The following KCNMB2 variants were observed in gnomAD, a reference collection of about 807,000 sequenced individuals.
KCNMB2 encodes the protein calcium-activated potassium channel subunit beta-2.
KCNMB2 carries 9 observed loss-of-function variants against 24.5 expected under a neutral mutation model. That is an observed-to-expected ratio of 0.37 (90% CI 0.22 to 0.64). The LOEUF (loss-of-function observed/expected upper bound fraction) is 0.64. Among genes scored for constraint, KCNMB2 ranks in the 30% least tolerant of loss-of-function variants. The pLI is 0.63. For missense variants in KCNMB2, 226 were observed against 284.3 expected, an observed-to-expected ratio of 0.79 and a Z score of 1.47; for synonymous variants, 109 against 104.4, an observed-to-expected ratio of 1.04 and a Z score of -0.27.
intron 1 of KCNMB2, among the ~76,000 whole-genome samples, chr3:178,593,064 G>A (rs2108500939): frequency 6.6e-6 from 1 of 152,044 alleles, no homozygotes; most frequent in Non-Finnish European, 1.5e-5. Context: ...GGGGAGTGGG[G>A]TGTTGTAGAT....
At chr3:178,636,945 AT>A (rs1289706001) in intron 1 of KCNMB2, among the ~76,000 whole-genome samples, 1 of 152,170 alleles carries the variant, frequency 6.6e-6, no homozygotes, top group East Asian at 1.9e-4. Flanking sequence ...AAGTGAGAAC[AT>A]GTGGTGTTTG....
intron 1 of KCNMB2, among the ~76,000 whole-genome samples, chr3:178,606,752 C>T (rs1718287423): frequency 6.6e-6 from 1 of 152,142 alleles, no homozygotes; most frequent in African/African-American, 2.4e-5. Flanking sequence ...AAATCCTCAT[C>T]CCTAATATGA....
At chr3:178,712,480 GACAA>G (rs1261384414) in intron 1 of KCNMB2, among the ~76,000 whole-genome samples, 1 of 152,188 alleles carries the variant, frequency 6.6e-6, no homozygotes, top group Non-Finnish European at 1.5e-5. Flanking sequence ...TGTTGAATGA[GACAA>G]ACAGAGTTCT....
At chr3:178,561,149 A>G (rs960386853) in intron 1 of KCNMB2, among the ~76,000 whole-genome samples, 5 of 152,196 alleles carry the variant, frequency 3.3e-5, no homozygotes, top group African/African-American at 1.2e-4. Context: ...TCACTCCACT[A>G]AGAAATCAAG....
chr3:178,689,786 T>C (rs1377362896), intron 1 of KCNMB2, among the ~76,000 whole-genome samples: 2 of 152,148 alleles, frequency 1.3e-5, no homozygotes, highest in Non-Finnish European at 2.9e-5. Flanking sequence ...AGTAGTAAAA[T>C]TGTAGCTTGA....
At chr3:178,698,216 A>G (rs1300638429) in intron 1 of KCNMB2, among the ~76,000 whole-genome samples, 2 of 152,182 alleles carry the variant, frequency 1.3e-5, no homozygotes, top group African/African-American at 4.8e-5. Flanking sequence ...CATTCTCCCC[A>G]TCTCTTTCAG....
chr3:178,579,050 C>G (rs558034881), intron 1 of KCNMB2, among the ~76,000 whole-genome samples: 46 of 152,318 alleles, frequency 3.0e-4, no homozygotes, highest in Non-Finnish European at 2.5e-4. Flanking sequence ...GAACTCTCCA[C>G]CCCAAATCAA....
intron 1 of KCNMB2, among the ~76,000 whole-genome samples, chr3:178,582,194 G>A (rs1717236360): frequency 6.6e-6 from 1 of 152,166 alleles, no homozygotes; most frequent in Admixed American, 6.5e-5. Flanking sequence ...AAAAAAGGAT[G>A]AGTTCATGTC....
chr3:178,633,667 G>T (rs1310818972), intron 1 of KCNMB2, among the ~76,000 whole-genome samples: 1 of 152,344 alleles, frequency 6.6e-6, no homozygotes, highest in East Asian at 1.9e-4. Flanking sequence ...GGGAGGGGCT[G>T]CCATGAAGGT....
Position 178,553,690 on chromosome 3 carries a change from C to T in KCNMB2, c.-68+16979C>T, listed in dbSNP as rs1364395201. On this transcript the variant is annotated intron_variant, in intron 1 of 4. Transcript: ENST00000452583. Reference sequence around the variant, plus strand: ...GGAGCAGAGATTATGGGCGCGCATGCTATCACACCCAGATAATTTTTGTAT... The same window carrying T: ...GGAGCAGAGATTATGGGCGCGCATGTTATCACACCCAGATAATTTTTGTAT... 3.3e-5 allele frequency among the ~76,000 whole-genome samples: 5 copies of T among 152,078 alleles called. 1 individual carries two copies. Among genetic ancestry groups the T allele is most frequent in the African/African-American group, 1.2e-4 (5 of 41,410 alleles).
intron 1 of KCNMB2, among the ~76,000 whole-genome samples, chr3:178,564,395 G>T (rs1229146526): frequency 6.6e-6 from 1 of 152,170 alleles, no homozygotes; most frequent in African/African-American, 2.4e-5. Flanking sequence ...GAAATTCAGT[G>T]CTTATGTAGG....
At chr3:178,557,424 G>A (rs958696343) in intron 1 of KCNMB2, among the ~76,000 whole-genome samples, 2 of 152,146 alleles carry the variant, frequency 1.3e-5, no homozygotes, top group African/African-American at 2.4e-5. Context: ...GAATGGCTTC[G>A]AACTGAGAAA....
chr3:178,771,298 C>T (rs1190197270), intron 1 of KCNMB2, among the ~76,000 whole-genome samples: 1 of 151,920 alleles, frequency 6.6e-6, no homozygotes, highest in African/African-American at 2.4e-5. Context: ...ACTGCAAGGG[C>T]TCAACCTGTC....
At position 178,830,731 on chromosome 3, in the gene KCNMB2, C is replaced by T. The variant is rs142580355; in HGVS notation, c.423+2358C>T. Among the ~76,000 whole-genome samples, 9 of 152,132 alleles carry T rather than the reference C, an allele frequency of 5.9e-5. No homozygotes were observed. The East Asian group carries it at 1.7e-3, about 29-fold the overall frequency. On this transcript the variant is annotated intron_variant, in intron 4 of 4. Coordinates refer to ENST00000452583, the MANE Select transcript of KCNMB2 (RefSeq NM_181361.3). The stretch of plus-strand genomic sequence containing the variant: ...ATTTATTTATTGGCCATTTGGGTAT[C>T]CATTTTGGGCAGTGTCCGTGCAAGT...
chr3:178,711,677 G>T (rs1485795507), intron 1 of KCNMB2, among the ~76,000 whole-genome samples: 2 of 152,182 alleles, frequency 1.3e-5, no homozygotes, highest in African/African-American at 4.8e-5. Context: ...TAAAATTAAA[G>T]TCAGGCTAAA....
chr3:178,639,244 A>G (rs1374131344), intron 1 of KCNMB2, among the ~76,000 whole-genome samples: 3 of 152,208 alleles, frequency 2.0e-5, no homozygotes, highest in Non-Finnish European at 4.4e-5. Context: ...GTCTCACAGC[A>G]ATCTGATGAG....
chr3:178,783,811 C>T (rs1319829491), intron 1 of KCNMB2, among the ~76,000 whole-genome samples: 2 of 152,112 alleles, frequency 1.3e-5, no homozygotes, highest in Non-Finnish European at 2.9e-5. Context: ...TTGCCCTGGC[C>T]AGAACTTCCA....
intron 4 of KCNMB2, among the ~76,000 whole-genome samples, chr3:178,838,389 A>G (rs1715307298): frequency 6.6e-6 from 1 of 152,314 alleles, no homozygotes; most frequent in African/African-American, 2.4e-5. Context: ...ACTCACCTAT[A>G]CAAATGTATT....
chr3:178,815,687 A>G (rs9837342), intron 2 of KCNMB2, among the ~76,000 whole-genome samples: 10,786 of 152,118 alleles, frequency 0.071, 472 homozygotes, highest in African/African-American at 0.12. Context: ...ACCATTTATC[A>G]TATTAAGGAT....
Sources: allele counts gnomAD v4.1 joint callset (sites outside exome capture counted in the v4.1 genomes callset), GRCh38; gene constraint gnomAD v4.1.1; transcripts MANE v1.5; gene names NCBI Gene and HGNC (gene_info 2026-07-23, HGNC 2026-07-21).